Variants in C1QTNF9 observed in about 807,000 individuals in gnomAD.
The protein encoded by C1QTNF9 is complement C1q and tumor necrosis factor-related protein 9A.
C1QTNF9 carries 6 observed loss-of-function variants against 10.1 expected under a neutral mutation model. The observed-to-expected ratio is 0.59, with a 90% CI of 0.32 to 1.17. The LOEUF is 1.17. Ranked by LOEUF, C1QTNF9 falls within the 50% of genes most tolerant of loss-of-function variation. The probability of loss-of-function intolerance (pLI) is 0.04; values close to 1 mark genes in which losing one functional copy is unlikely to be tolerated. For missense variants in C1QTNF9, 201 were observed against 418.8 expected, an observed-to-expected ratio of 0.48 and a Z score of 4.54; for synonymous variants, 98 against 163.5, an observed-to-expected ratio of 0.60 and a Z score of 3.06.
At chr13:24,311,729 G>A (rs1218883758) in intron 1 of C1QTNF9, among the ~76,000 whole-genome samples, 1 of 152,232 alleles carries the variant, frequency 6.6e-6, no homozygotes, top group African/African-American at 2.4e-5. Context: ...ATGCAAGATA[G>A]AAGTCTATTT....
Position 24,314,914 on chromosome 13 carries a change from G to A in C1QTNF9, c.-22-1068G>A, listed in dbSNP as rs992944464. 1.1e-4 allele frequency among the ~76,000 whole-genome samples: 15 copies of A among 135,240 alleles called. 1 individual carries two copies. The highest frequency in any genetic ancestry group is 3.9e-4 in the African/African-American group (14 of 36,206). 88.7% of individuals were successfully genotyped at this position (135,240 alleles called of 152,430 possible). A position where few individuals can be genotyped will look rare whatever the true frequency, so the allele number is the denominator to read the frequency against. On this transcript the variant is annotated intron_variant, in intron 1 of 3. Coordinates refer to ENST00000332018, the Ensembl canonical transcript of C1QTNF9. ...ACTAGGTGATGTTTCCGTGTGTGTG[G>A]CCCTTCTTCACAGTGGCCTCCTAGA...
exon 4 of C1QTNF9, chr13:24,321,537 T>A (rs376578242): frequency 4.3e-6 from 7 of 1,611,972 alleles, no homozygotes; most frequent in Non-Finnish European, 5.1e-6. Context: ...ACATCACTGT[T>A]TTCTCCAGAA....
At chr13:24,317,710 G>A (rs981845582) in intron 2 of C1QTNF9, among the ~76,000 whole-genome samples, 6 of 152,006 alleles carry the variant, frequency 3.9e-5, no homozygotes, top group Non-Finnish European at 8.8e-5. Context: ...ATTGGGGTCT[G>A]TGTTCATGCT....
chr13:24,321,667 G>T (rs4589405), exon 4 of C1QTNF9: 1 of 1,609,594 alleles, frequency 6.2e-7, no homozygotes, highest in Non-Finnish European at 8.5e-7. Context: ...CGGGGATGAG[G>T]TGTGGCTGCA....
At chr13:24,315,648 T>G in intron 1 of C1QTNF9, 1 of 441,638 alleles carries the variant, frequency 2.3e-6, no homozygotes, top group East Asian at 3.4e-5. Flanking sequence ...ACGACAGTCC[T>G]GTGAGATAAG....
chr13:24,312,980 A>G (rs986289860), intron 1 of C1QTNF9, among the ~76,000 whole-genome samples: 8 of 151,852 alleles, frequency 5.3e-5, no homozygotes, highest in African/African-American at 1.9e-4. Flanking sequence ...GAAAAAAAAA[A>G]TAGTGCCAAC....
chr13:24,311,147 T>C (rs955731846), intron 1 of C1QTNF9, among the ~76,000 whole-genome samples: 5 of 152,136 alleles, frequency 3.3e-5, no homozygotes, highest in African/African-American at 1.2e-4. Flanking sequence ...TTACATTAAA[T>C]CTTAGTTTTG....
chr13:24,317,484 C>T (rs536398227), intron 2 of C1QTNF9, among the ~76,000 whole-genome samples: 2 of 152,036 alleles, frequency 1.3e-5, no homozygotes, highest in East Asian at 3.9e-4. Context: ...TTATATACTT[C>T]TTAGAAGCAA....
At position 24,316,126 on chromosome 13, in the gene C1QTNF9, A is replaced by G. The variant is rs137901548; in HGVS notation, c.123A>G (p.Gly41=). ...ACCCCGGTCACAATGGTCTGCCTGG[A>G]AGAGATGGACGAGACGGAGCGAAGG... Residue 41 remains glycine, a synonymous_variant, in exon 2 of 4, where the codon GGA becomes GGG. Transcript: ENST00000332018. 2,694 of 1,612,132 alleles carry G rather than the reference A, an allele frequency of 1.7e-3. 4 individuals are homozygous for G. Among genetic ancestry groups the G allele is most frequent in the Non-Finnish European group, 2.0e-3 (2,396 of 1,179,022 alleles).
At chr13:24,315,126 G>T (rs758087727) in intron 1 of C1QTNF9, among the ~76,000 whole-genome samples, 2 of 152,122 alleles carry the variant, frequency 1.3e-5, no homozygotes, top group African/African-American at 4.8e-5. Context: ...TCTTTGTTGT[G>T]CAACCATCAC....
chr13:24,311,459 T>C (rs1233082927), intron 1 of C1QTNF9, among the ~76,000 whole-genome samples: 4 of 152,250 alleles, frequency 2.6e-5, no homozygotes, highest in Admixed American at 1.3e-4. Flanking sequence ...AATGATGGCC[T>C]CTATTCTCTA....
At chr13:24,316,253 C>T in intron 2 of C1QTNF9, 84 bp downstream of exon 2, 2 of 1,521,156 alleles carry the variant, frequency 1.3e-6, no homozygotes, top group Non-Finnish European at 1.8e-6. Context: ...TGTGATTTTC[C>T]ACCTACCCAC....
chr13:24,319,354 C>T (rs933066345), intron 3 of C1QTNF9, among the ~76,000 whole-genome samples: 2 of 151,996 alleles, frequency 1.3e-5, no homozygotes, highest in African/African-American at 4.8e-5. Flanking sequence ...CCCTGGGCAA[C>T]ATAGTAAGAC....
chr13:24,319,295 T>C (rs562306857), intron 3 of C1QTNF9, among the ~76,000 whole-genome samples: 2 of 152,222 alleles, frequency 1.3e-5, no homozygotes, highest in East Asian at 3.9e-4. Flanking sequence ...TCCCAACACT[T>C]TGGGAGGCCC....
chr13:24,315,761 C>T, intron 1 of C1QTNF9: 1 of 546,512 alleles, frequency 1.8e-6, no homozygotes, highest in Non-Finnish European at 3.2e-6. Flanking sequence ...GCCCGTTCAC[C>T]TTGAAGAGTG....
chr13:24,308,289 G>A (rs1183804262), upstream of C1QTNF9, among the ~76,000 whole-genome samples: 1 of 152,196 alleles, frequency 6.6e-6, no homozygotes, highest in African/African-American at 2.4e-5. Context: ...GCAGGAGGTC[G>A]GGGACCCGTC....
rs150852078 is a variant in C1QTNF9 at position 24,312,888 on chromosome 13, G to A, written c.-22-3094G>A. On this transcript the variant is annotated intron_variant, in intron 1 of 3. Transcript: ENST00000332018. ...GAGAATGGTGCGAACCCGGGAGGCA[G>A]AGCTTGCAGTGAGCCAAGATCGCGC... Among the ~76,000 whole-genome samples the A allele has an allele frequency of 2.6e-3, 396 of 150,086 alleles. 7 individuals are homozygous for A. The highest frequency in any genetic ancestry group is 0.019 in the Admixed American group (281 of 14,884).
chr13:24,312,699 G>A (rs1261663369), intron 1 of C1QTNF9, among the ~76,000 whole-genome samples: 1 of 152,048 alleles, frequency 6.6e-6, no homozygotes, highest in African/African-American at 2.4e-5. Context: ...ACTCACACCT[G>A]TAATCCCAGC....
intron 1 of C1QTNF9, among the ~76,000 whole-genome samples, chr13:24,311,253 C>A (rs979133305): frequency 3.3e-5 from 5 of 152,060 alleles, no homozygotes; most frequent in African/African-American, 1.2e-4. Context: ...CACTGGGTGA[C>A]CATTTATCAA....
Sources: allele counts gnomAD v4.1 joint callset (sites outside exome capture counted in the v4.1 genomes callset), GRCh38; gene constraint gnomAD v4.1.1; transcripts MANE v1.5; gene names NCBI Gene and HGNC (gene_info 2026-07-23, HGNC 2026-07-21).